Variants in EPHA3 observed in about 807,000 individuals in gnomAD.
The protein encoded by EPHA3 is ephrin type-A receptor 3.
EPHA3 carries 42 observed loss-of-function variants against 107.1 expected under a neutral mutation model. That is an observed-to-expected ratio of 0.39 (90% CI 0.31 to 0.51). The LOEUF (loss-of-function observed/expected upper bound fraction) is 0.51, where lower values mean the gene tolerates loss of function less well. Among genes scored for constraint, EPHA3 ranks in the 20% least tolerant of loss-of-function variants. The probability of loss-of-function intolerance (pLI) is 0.78; values close to 1 mark genes in which losing one functional copy is unlikely to be tolerated. For missense variants in EPHA3, 1,183 were observed against 1,211.2 expected (o/e 0.98, Z 0.35); for synonymous variants, 461 against 424.8 (o/e 1.09, Z -1.05).
chr3:89,341,139 G>A (rs955068546), intron 4 of EPHA3, 68 bp downstream of exon 4: 78 of 1,494,194 alleles, frequency 5.2e-5, no homozygotes, highest in Non-Finnish European at 5.9e-5. Context: ...TGTGCTGTTT[G>A]TTTTTGTTTT....
chr3:89,472,384 C>G (rs1005321175), intron 15 of EPHA3, 80 bp from the exon 16 acceptor site: 15 of 1,425,230 alleles, frequency 1.1e-5, no homozygotes, highest in Non-Finnish European at 1.4e-5. Flanking sequence ...AAGTTCCTGC[C>G]GATGTTAGTG....
chr3:89,158,779 G>A (rs1034146699), intron 2 of EPHA3, among the ~76,000 whole-genome samples: 22 of 152,034 alleles, frequency 1.4e-4, no homozygotes, highest in Admixed American at 1.4e-3. Context: ...AATAAACAGT[G>A]CCAAAAGAGT....
chr3:89,214,355 G>A (rs1377507046), intron 3 of EPHA3, among the ~76,000 whole-genome samples: 2 of 152,020 alleles, frequency 1.3e-5, no homozygotes, highest in African/African-American at 2.4e-5. Context: ...GTATTTGAAC[G>A]TCATTATTTT....
chr3:89,281,004 A>ATTAT (rs372696481), intron 3 of EPHA3, among the ~76,000 whole-genome samples: 4,449 of 147,264 alleles, frequency 0.03, 86 homozygotes, highest in African/African-American at 0.063. Context: ...CAAGATTTTT[A>ATTAT]TTATTTATTT....
At chr3:89,308,675 CAAACATTAT>C in intron 3 of EPHA3, among the ~76,000 whole-genome samples, 1 of 151,700 alleles carries the variant, frequency 6.6e-6, no homozygotes, top group African/African-American at 2.4e-5. Flanking sequence ...TTCAACTCAG[CAAACATTAT>C]AAATCCTCAC....
intron 1 of EPHA3, among the ~76,000 whole-genome samples, chr3:89,110,029 G>A (rs1169763179): frequency 6.6e-6 from 1 of 151,954 alleles, no homozygotes; most frequent in African/African-American, 2.4e-5. Context: ...TATGTGCCAA[G>A]ATTTCCGTGC....
Position 89,350,151 on chromosome 3 carries a change from T to G in EPHA3, c.1306+8061T>G, listed in dbSNP as rs200548071. Among the ~76,000 whole-genome samples, 112 of 151,138 alleles carry G rather than the reference T, an allele frequency of 7.4e-4. 2 individuals carry two copies. In the East Asian group the frequency reaches 0.02, roughly 27 times the overall value. The stretch of plus-strand genomic sequence containing the variant: ...TGGCATTCTCTGTATTTCCTGAATG[T>G]GAACGTTGGCCTGCCTTGCTAGATT... On this transcript the variant is annotated intron_variant, in intron 5 of 16. Transcript: ENST00000336596.
At chr3:89,472,353 G>A (rs1710419153) in intron 15 of EPHA3, 111 bp from the exon 16 acceptor site, 2 of 1,145,230 alleles carry the variant, frequency 1.7e-6, no homozygotes, top group Admixed American at 4.7e-5. Context: ...ACAAATGAAA[G>A]GAACACCATA....
intron 3 of EPHA3, among the ~76,000 whole-genome samples, chr3:89,244,085 G>A (rs748501000): frequency 6.6e-6 from 1 of 151,904 alleles, no homozygotes; most frequent in Non-Finnish European, 1.5e-5. Context: ...TGAAAATATG[G>A]CCCTTACACA....
chr3:89,220,862 C>T (rs1704356492), intron 3 of EPHA3, among the ~76,000 whole-genome samples: 2 of 152,152 alleles, frequency 1.3e-5, no homozygotes, highest in Non-Finnish European at 2.9e-5. Context: ...TCGATATCAG[C>T]TGTTTCTTTT....
intron 1 of EPHA3, among the ~76,000 whole-genome samples, chr3:89,109,171 T>A (rs1287027081): frequency 1.3e-5 from 2 of 152,044 alleles, no homozygotes; most frequent in African/African-American, 2.4e-5. Flanking sequence ...GTTCTGAATC[T>A]TTTTTCTAAA....
At position 89,400,040 on chromosome 3, in the gene EPHA3, G is replaced by GT. The variant is rs533006590; in HGVS notation, c.1594+561dup. 3,334 of 1,033,338 alleles carry GT rather than the reference G, an allele frequency of 3.2e-3. 7 individuals are homozygous for GT. The highest frequency in any genetic ancestry group is 3.6e-3 in the Non-Finnish European group (3,066 of 859,278). 64.0% of individuals were successfully genotyped at this position (1,033,338 alleles called of 1,614,324 possible). Reference sequence around the variant, plus strand: ...CCTAAAACTGGCAAACATTTTTCCAGTAACTTTTCTTTTTTTCAAATGAAT... The same window carrying GT: ...CCTAAAACTGGCAAACATTTTTCCAGTTAACTTTTCTTTTTTTCAAATGAAT... On this transcript the variant is annotated intron_variant, in intron 7 of 16. Transcript: ENST00000336596.
At chr3:89,172,304 T>G (rs753287218) in intron 2 of EPHA3, among the ~76,000 whole-genome samples, 1 of 152,092 alleles carries the variant, frequency 6.6e-6, no homozygotes, top group Non-Finnish European at 1.5e-5. Flanking sequence ...TGTCAGAGGC[T>G]TCTAGATGTT....
At chr3:89,255,300 T>C (rs1317265219) in intron 3 of EPHA3, among the ~76,000 whole-genome samples, 1 of 152,222 alleles carries the variant, frequency 6.6e-6, no homozygotes, top group Non-Finnish European at 1.5e-5. Context: ...ATATTCTTGC[T>C]TTAACTCTGG....
chr3:89,379,505 T>C (rs1489579533), intron 5 of EPHA3, among the ~76,000 whole-genome samples: 4 of 152,234 alleles, frequency 2.6e-5, no homozygotes, highest in African/African-American at 9.6e-5. Context: ...AATTTGATAA[T>C]GGGTTTAGGA....
chr3:89,178,753 A>G (rs1245628917), intron 2 of EPHA3, among the ~76,000 whole-genome samples: 1 of 151,868 alleles, frequency 6.6e-6, no homozygotes, highest in Non-Finnish European at 1.5e-5. Flanking sequence ...TTGAGTCCAT[A>G]ACTTCTATTT....
intron 13 of EPHA3, among the ~76,000 whole-genome samples, chr3:89,436,896 T>A (rs1230182834): frequency 1.8e-4 from 27 of 152,312 alleles, no homozygotes; most frequent in Non-Finnish European, 4.4e-5. Flanking sequence ...GGATATTGTG[T>A]AAGGAATCAG....
chr3:89,430,716 T>C (rs757349673), intron 12 of EPHA3, among the ~76,000 whole-genome samples: 2 of 152,154 alleles, frequency 1.3e-5, no homozygotes, highest in Non-Finnish European at 2.9e-5. Context: ...TTTAAAAATG[T>C]AGCATCCACC....
intron 11 of EPHA3, among the ~76,000 whole-genome samples, chr3:89,419,930 T>G (rs1709324960): frequency 6.6e-6 from 1 of 151,400 alleles, no homozygotes; most frequent in Admixed American, 6.6e-5. Flanking sequence ...TTTTAAATAG[T>G]TCTGATCTAG....
Sources: allele counts gnomAD v4.1 joint callset (sites outside exome capture counted in the v4.1 genomes callset), GRCh38; gene constraint gnomAD v4.1.1; transcripts MANE v1.5; gene names NCBI Gene and HGNC (gene_info 2026-07-23, HGNC 2026-07-21).